Variants in UBE3A observed in about 807,000 individuals in gnomAD.
The protein encoded by UBE3A is ubiquitin protein ligase E3A, also known as ubiquitin-protein ligase E3A.
Under a neutral mutation model 83.4 loss-of-function variants are expected in UBE3A, and 6 were observed. That is an observed-to-expected ratio of 0.07 (90% CI 0.04 to 0.14). UBE3A has a LOEUF of 0.14. UBE3A is among the 10% of genes least tolerant of loss of function. The pLI, the probability that UBE3A is intolerant of heterozygous loss-of-function variation, is 1.00. For missense variants in UBE3A, 456 were observed against 1,036.1 expected, an observed-to-expected ratio of 0.44 and a Z score of 7.69; for synonymous variants, 337 against 355.4, an observed-to-expected ratio of 0.95 and a Z score of 0.58.
intron 1 of UBE3A, among the ~76,000 whole-genome samples, chr15:25,415,461 T>C (rs929482456): frequency 2.6e-5 from 4 of 152,118 alleles, no homozygotes; most frequent in African/African-American, 7.2e-5. Flanking sequence ...TACTGGATAT[T>C]TGTGTTTCTG....
At chr15:25,429,677 A>T (rs1892475024) in intron 1 of UBE3A, among the ~76,000 whole-genome samples, 1 of 151,980 alleles carries the variant, frequency 6.6e-6, no homozygotes, top group Admixed American at 6.6e-5. Context: ...GTGAAACTTC[A>T]TCTCTACAAA....
intron 4 of UBE3A, among the ~76,000 whole-genome samples, chr15:25,384,962 G>A (rs962977287): frequency 6.6e-6 from 1 of 152,096 alleles, no homozygotes; most frequent in African/African-American, 2.4e-5. Context: ...AACTCAAGCT[G>A]GATTACAGAC....
chr15:25,396,616 A>C (rs1567057702), intron 4 of UBE3A, among the ~76,000 whole-genome samples: 1 of 152,200 alleles, frequency 6.6e-6, no homozygotes, highest in Non-Finnish European at 1.5e-5. Flanking sequence ...ATGACAGAGC[A>C]AGACAATATC....
In UBE3A at chr15:25,408,615, C is replaced by T. The variant is rs759994828; in HGVS notation, c.20+473G>A. 3.9e-5 allele frequency: 63 copies of T among 1,613,758 alleles called. No homozygotes were observed. The highest frequency in any genetic ancestry group is 4.1e-5 in the Non-Finnish European group (48 of 1,179,850). On this transcript the variant is annotated intron_variant, in intron 3 of 12. Coordinates refer to ENST00000648336, the MANE Select transcript of UBE3A (RefSeq NM_130839.5). ...ATGAGCTAGCAAATTCAAATGGTGG[C>T]TCACTTCCAATAACACTGGTGCAGC... is the stretch of plus-strand genomic sequence containing the variant.
intron 1 of UBE3A, chr15:25,418,599 G>A (rs1177404081): frequency 6.6e-6 from 1 of 152,186 alleles, no homozygotes; most frequent in African/African-American, 2.4e-5. Context: ...TCTAGGGGTG[G>A]TGTGGGGGGA....
intron 6 of UBE3A, among the ~76,000 whole-genome samples, chr15:25,362,645 A>G (rs1269990924): frequency 6.6e-6 from 1 of 152,132 alleles, no homozygotes; most frequent in Non-Finnish European, 1.5e-5. Flanking sequence ...AACCTTGGGG[A>G]AAAAAATAGT....
rs568546023 is a variant in UBE3A at position 25,370,485 on chromosome 15, T to C, written c.1608+81A>G. 15 of 1,522,338 alleles carry C rather than the reference T, an allele frequency of 9.9e-6. No individual in the cohort carries two copies. In the South Asian group the frequency reaches 1.7e-4, roughly 17 times the overall value. The allele number at this position is 1,522,338 out of a possible 1,614,324, so 94.3% of individuals were successfully genotyped here. A position where few individuals can be genotyped will look rare whatever the true frequency, so the allele number is the denominator to read the frequency against. The stretch of plus-strand genomic sequence containing the variant: ...CCTATGCTATATGGTATCATTTTTT[T>C]CAGTCACTTTTAAAATGAATTCACT... On this transcript the variant is annotated intron_variant, in intron 6 of 12. Transcript: ENST00000648336. This position sits in a 1 kb window ranked among gnomAD's most constrained non-coding sequence, Gnocchi z 4.2.
rs1188347723 is a variant in UBE3A at position 25,334,998 on chromosome 15, T to G, written c.*4139A>C. On this transcript the variant is annotated 3_prime_UTR_variant, in exon 13 of 13. Coordinates refer to ENST00000648336, the MANE Select transcript of UBE3A (RefSeq NM_130839.5). ...GTGAAAGGCAAAATGGTTTGTTTTT[T>G]TTTTTAAAAATGACAGTCTCTATCA... 6.7e-6 allele frequency: 1 copy of G among 148,976 alleles called. No individual in the cohort carries two copies. Among genetic ancestry groups the G allele is most frequent in the Non-Finnish European group, 1.5e-5 (1 of 67,504 alleles). The allele number at this position is 148,976 out of a possible 1,614,324, so 9.2% of individuals were successfully genotyped here.
At chr15:25,401,483 C>G (rs1334722694) in intron 4 of UBE3A, among the ~76,000 whole-genome samples, 1 of 152,198 alleles carries the variant, frequency 6.6e-6, no homozygotes, top group Non-Finnish European at 1.5e-5. Context: ...ATCCTTGTCA[C>G]TGGACTGTTC....
At chr15:25,393,873 C>G (rs906366002) in intron 4 of UBE3A, 2 of 152,182 alleles carry the variant, frequency 1.3e-5, no homozygotes, top group Non-Finnish European at 2.9e-5. Context: ...CAGAAGAAAG[C>G]AAAGGGCCTT....
At chr15:25,356,308 G>A (rs1202952133) in intron 8 of UBE3A, among the ~76,000 whole-genome samples, 1 of 151,160 alleles carries the variant, frequency 6.6e-6, no homozygotes, top group African/African-American at 2.4e-5. Flanking sequence ...TGTGCTCTAT[G>A]AGAAATTCTG....
chr15:25,390,606 C>T (rs1015153339), intron 4 of UBE3A, among the ~76,000 whole-genome samples: 3 of 151,938 alleles, frequency 2.0e-5, no homozygotes, highest in Admixed American at 6.6e-5. Flanking sequence ...GTAAAAGGAT[C>T]GGTGATTGCC....
In UBE3A at chr15:25,371,531, A is replaced by G. The variant is rs745439205; in HGVS notation, c.643T>C (p.Ser215Pro). The change falls in exon 6 of 13, where the codon TCA (serine) becomes CCA (proline). Residue 215 changes from serine to proline, a missense_variant. Ser to Pro is a moderately conservative substitution (Grantham distance 74). Around this residue, in one of 13 missense-constraint regions of UBE3A, gnomAD observed 42 missense variants for 41.8 expected, o/e 1.00. Coordinates refer to ENST00000648336, the MANE Select transcript of UBE3A (RefSeq NM_130839.5). This position sits in a 1 kb window ranked among gnomAD's most constrained non-coding sequence, Gnocchi z 5.3. ...EASSSRIGDS[S>P]QGDNNLQKLG... ...TTTTGCAAATTGTTGTCTCCCTGTG[A>G]GCTATCACCTATCCTTGAGGAAGAT... is the stretch of plus-strand genomic sequence containing the variant. 33 of 1,614,132 alleles carry G rather than the reference A, an allele frequency of 2.0e-5. No homozygotes were observed. Among genetic ancestry groups the G allele is most frequent in the Non-Finnish European group, 2.8e-5 (33 of 1,180,018 alleles).
At chr15:25,387,430 G>C (rs188632630) in intron 4 of UBE3A, among the ~76,000 whole-genome samples, 278 of 152,232 alleles carry the variant, frequency 1.8e-3, no homozygotes, top group Non-Finnish European at 3.0e-3. Flanking sequence ...GCTGAGGCAA[G>C]AGAATGGCGT....
At position 25,356,768 on chromosome 15, in the gene UBE3A, C is replaced by T. The variant is rs1308295785; in HGVS notation, c.1882G>A (p.Val628Ile). ...CTGTAGACAACCATGGGAAAATGTA[C>T]ATCCAGTATACAGTTATTGTAAATA... ...LAIYNNCILDVHFPMVVYRKL... is the reference protein window; with the variant it reads ...LAIYNNCILDIHFPMVVYRKL... Residue 628 changes from valine to isoleucine, a missense_variant, in exon 8 of 13, where the codon GTA becomes ATA. Physicochemically the swap from Val to Ile is conservative, Grantham distance 29. Transcript: ENST00000648336. 6.2e-7 allele frequency: 1 copy of T among 1,613,784 alleles called. No homozygotes were observed. The highest frequency in any genetic ancestry group is 8.5e-7 in the Non-Finnish European group (1 of 1,179,884).
At chr15:25,380,033 G>C (rs961707985) in intron 4 of UBE3A, among the ~76,000 whole-genome samples, 1 of 151,962 alleles carries the variant, frequency 6.6e-6, no homozygotes, top group Non-Finnish European at 1.5e-5. Context: ...GTGACCCCCT[G>C]GGAGATAATC....
rs145916848 is a variant in UBE3A, at chr15:25,426,801, A to C, written c.-165+11688T>G. Reference sequence around the variant, plus strand: ...ATTTAGTCTTCTATTAATGTCTTACAAAATATTTCAATGTGGCTGGTTATA... The same window carrying C: ...ATTTAGTCTTCTATTAATGTCTTACCAAATATTTCAATGTGGCTGGTTATA... On this transcript the variant is annotated intron_variant, in intron 1 of 12. Transcript: ENST00000648336. Among the ~76,000 whole-genome samples, 660 of 152,218 alleles carry C rather than the reference A, an allele frequency of 4.3e-3. 1 individual carries two copies. The highest frequency in any genetic ancestry group is 6.5e-3 in the Non-Finnish European group (445 of 68,016).
chr15:25,429,915 G>C (rs541810207), intron 1 of UBE3A, among the ~76,000 whole-genome samples: 1 of 147,894 alleles, frequency 6.8e-6, no homozygotes, highest in African/African-American at 2.5e-5. Flanking sequence ...TGAGGCAGGA[G>C]AATCACTTGA....
rs1164457213 is a variant in UBE3A at position 25,370,404 on chromosome 15, T to A, written c.1608+162A>T. Among the ~76,000 whole-genome samples, 1 of 152,198 alleles carries A rather than the reference T, an allele frequency of 6.6e-6. No homozygotes were observed. Among genetic ancestry groups the A allele is most frequent in the Non-Finnish European group, 1.5e-5 (1 of 68,032 alleles). ...ACTTTGTAGAACACATCTATAAACT[T>A]GCACAGGAACAACAAAAGTATAATA... On this transcript the variant is annotated intron_variant, in intron 6 of 12. Transcript: ENST00000648336. This position sits in a 1 kb window ranked among gnomAD's most constrained non-coding sequence, Gnocchi z 4.2.
Sources: gnomAD v4.1 joint callset for allele counts (sites outside exome capture counted in the v4.1 genomes callset) on GRCh38, gnomAD v4.1.1 for gene constraint, gnomAD v4.1.1 regional missense constraint, Gnocchi (gnomAD v3.1) non-coding constraint, MANE v1.5 for transcripts, NCBI Gene and HGNC (gene_info 2026-07-23, HGNC 2026-07-21) for gene names.